Variants in STAU2 observed in about 807,000 individuals in gnomAD.
STAU2 encodes the protein double-stranded RNA-binding protein Staufen homolog 2.
A neutral mutation model predicts 65.9 loss-of-function variants in STAU2; 20 were observed. The observed-to-expected ratio is 0.30, with a 90% CI of 0.21 to 0.44. STAU2 has a LOEUF of 0.44. Ranked by LOEUF, STAU2 falls within the 20% of genes least tolerant of loss-of-function variation. STAU2 has a pLI of 1.00. For missense variants in STAU2, 558 were observed against 683.9 expected (o/e 0.82, Z 2.05); for synonymous variants, 232 against 233.9 (o/e 0.99, Z 0.07).
chr8:73,703,232 A>G (rs1362209404), intron 4 of STAU2, among the ~76,000 whole-genome samples: 2 of 152,122 alleles, frequency 1.3e-5, no homozygotes, highest in Non-Finnish European at 2.9e-5. Flanking sequence ...TGTCCTCACA[A>G]TAGTGAGTTA....
At chr8:73,492,098 A>G (rs1821180651) in intron 13 of STAU2, among the ~76,000 whole-genome samples, 1 of 151,820 alleles carries the variant, frequency 6.6e-6, no homozygotes, top group South Asian at 2.1e-4. Context: ...AAGGCCCAGT[A>G]CCAAGATGTG....
At position 73,617,546 on chromosome 8, in the gene STAU2, G is replaced by C. The variant is rs74749757; in HGVS notation, c.411-95C>G. The C allele has an allele frequency of 8.2e-3, 9,966 of 1,216,974 alleles. 67 individuals carry two copies. Among genetic ancestry groups the C allele is most frequent in the Middle Eastern group, 0.015 (65 of 4,408 alleles). The allele number at this position is 1,216,974 out of a possible 1,614,324, so 75.4% of individuals were successfully genotyped here. On this transcript the variant is annotated intron_variant, in intron 6 of 14. Coordinates refer to ENST00000524300, the MANE Select transcript of STAU2 (RefSeq NM_001164380.2). ...TTTAAAATGATACCAATTATATAATGTGCTATACTCTTAATAAAACTTTAA... is the reference window on the plus strand; with the variant it reads ...TTTAAAATGATACCAATTATATAATCTGCTATACTCTTAATAAAACTTTAA...
At chr8:73,440,703 T>C (rs1428484502) in intron 13 of STAU2, 2 of 152,228 alleles carry the variant, frequency 1.3e-5, no homozygotes, top group Non-Finnish European at 2.9e-5. Flanking sequence ...ACCCTTTGCA[T>C]ATAACCAGAG....
intron 3 of STAU2, among the ~76,000 whole-genome samples, chr8:73,711,035 G>T (rs1403346256): frequency 7.0e-6 from 1 of 143,086 alleles, no homozygotes; most frequent in East Asian, 2.2e-4. Flanking sequence ...TAAGCACCTG[G>T]TAAGACCTAA....
At chr8:73,557,985 T>C (rs1807916920) in intron 12 of STAU2, among the ~76,000 whole-genome samples, 1 of 152,200 alleles carries the variant, frequency 6.6e-6, no homozygotes, top group Non-Finnish European at 1.5e-5. Context: ...ATGGGCATTA[T>C]TATTTTCCTA....
intron 2 of STAU2, 46 bp from the exon 3 acceptor site, chr8:73,738,395 C>T (rs935481481): frequency 5.5e-5 from 76 of 1,369,938 alleles, no homozygotes; most frequent in Non-Finnish European, 7.6e-5. Context: ...AGCTGATAAC[C>T]TCAATGACTG....
At chr8:73,654,651 A>AAAAAAAAAAAAAAAAAAAAAAAAAAAAAC (rs1816173492) in intron 6 of STAU2, among the ~76,000 whole-genome samples, 1 of 140,494 alleles carries the variant, frequency 7.1e-6, no homozygotes, top group Non-Finnish European at 1.6e-5. Flanking sequence ...AAAAAAAAAA[A>AAAAAAAAAAAAAAAAAAAAAAAAAAAAAC]AAAAAAAAAA....
At chr8:73,565,115 T>A (rs552330980) in intron 12 of STAU2, among the ~76,000 whole-genome samples, 23 of 152,310 alleles carry the variant, frequency 1.5e-4, no homozygotes, top group African/African-American at 5.3e-4. Flanking sequence ...AAATGCACAA[T>A]AATCATATAA....
At chr8:73,560,075 A>ATTTTT (rs35696339) in intron 12 of STAU2, among the ~76,000 whole-genome samples, 1 of 83,482 alleles carries the variant, frequency 1.2e-5, no homozygotes, top group Non-Finnish European at 2.4e-5. Flanking sequence ...TACTGAACAG[A>ATTTTT]TTTTTTTTTT....
At chr8:73,721,366 C>T (rs1008153756) in intron 3 of STAU2, among the ~76,000 whole-genome samples, 1 of 136,342 alleles carries the variant, frequency 7.3e-6, no homozygotes, top group Admixed American at 7.6e-5. Flanking sequence ...TTTGGATAAA[C>T]TTGTGAACAA....
chr8:73,716,728 A>G (rs1821278281), intron 3 of STAU2, among the ~76,000 whole-genome samples: 1 of 151,142 alleles, frequency 6.6e-6, no homozygotes, highest in South Asian at 2.1e-4. Flanking sequence ...TTTACTTTTG[A>G]TTTTTTTTTC....
intron 13 of STAU2, among the ~76,000 whole-genome samples, chr8:73,425,838 G>A (rs772027993): frequency 6.6e-6 from 1 of 151,786 alleles, no homozygotes; most frequent in East Asian, 1.9e-4. Flanking sequence ...TGTCACCCAG[G>A]CTGGAGTGCA....
intron 6 of STAU2, among the ~76,000 whole-genome samples, chr8:73,655,690 C>T (rs1299626886): frequency 7.1e-6 from 1 of 141,210 alleles, no homozygotes; most frequent in Non-Finnish European, 1.5e-5. Flanking sequence ...GCTCTGTCGC[C>T]CAGGCTGGAG....
chr8:73,471,817 T>TAA lies in STAU2; in HGVS notation c.1531-49117_1531-49116dup, dbSNP rs569600617. Among the ~76,000 whole-genome samples, 92 of 86,808 alleles carry TAA rather than the reference T, an allele frequency of 1.1e-3. 2 individuals carry two copies. Among genetic ancestry groups the TAA allele is most frequent in the East Asian group, 9.2e-3 (27 of 2,938 alleles). 56.9% of individuals were successfully genotyped at this position (86,808 alleles called of 152,430 possible). A position where few individuals can be genotyped will look rare whatever the true frequency, so the allele number is the denominator to read the frequency against. On this transcript the variant is annotated intron_variant, in intron 13 of 14. Coordinates refer to ENST00000524300, the MANE Select transcript of STAU2 (RefSeq NM_001164380.2). ...TGGGCAACAAGGGCGAGACTCCAAC[T>TAA]AAAAAAAAAAAAAAAAAAAAGAGAG... is the stretch of plus-strand genomic sequence containing the variant.
At chr8:73,525,360 A>C (rs1405231485) in intron 13 of STAU2, among the ~76,000 whole-genome samples, 1 of 152,208 alleles carries the variant, frequency 6.6e-6, no homozygotes, top group Non-Finnish European at 1.5e-5. Context: ...GTGCATTCAC[A>C]CCGCAGTTAT....
chr8:73,671,535 C>T (rs924752753), intron 6 of STAU2, among the ~76,000 whole-genome samples: 1 of 151,962 alleles, frequency 6.6e-6, no homozygotes, highest in Non-Finnish European at 1.5e-5. Context: ...TTGGGCAATG[C>T]TTTATTCTTT....
chr8:73,565,673 CACTT>C (rs1193660586), intron 12 of STAU2, among the ~76,000 whole-genome samples: 7 of 152,184 alleles, frequency 4.6e-5, no homozygotes, highest in Non-Finnish European at 7.3e-5. Flanking sequence ...TGCTATCACT[CACTT>C]ATTCACCCCA....
intron 6 of STAU2, among the ~76,000 whole-genome samples, chr8:73,664,854 T>TG (rs1817115353): frequency 6.6e-6 from 1 of 151,920 alleles, no homozygotes; most frequent in Non-Finnish European, 1.5e-5. Flanking sequence ...TAGCCAGGTG[T>TG]GGTGGCATGC....
At chr8:73,549,854 C>A in intron 13 of STAU2, 1 of 985,544 alleles carries the variant, frequency 1.0e-6, no homozygotes, top group Non-Finnish European at 1.2e-6. Flanking sequence ...TAATCTGTAA[C>A]AAGCTGGTCC....
Sources: allele counts gnomAD v4.1 joint callset (sites outside exome capture counted in the v4.1 genomes callset), GRCh38; gene constraint gnomAD v4.1.1; transcripts MANE v1.5; gene names NCBI Gene and HGNC (gene_info 2026-07-23, HGNC 2026-07-21).